CAP2: variants seen among roughly 807,000 people sequenced by gnomAD.
The protein encoded by CAP2 is cyclase associated actin cytoskeleton regulatory protein 2, also known as adenylyl cyclase-associated protein 2.
Under a neutral mutation model 57.7 loss-of-function variants are expected in CAP2, and 24 were observed. The observed-to-expected ratio is 0.42, with a 90% CI of 0.30 to 0.58. The LOEUF (loss-of-function observed/expected upper bound fraction) is 0.58, where lower values mean the gene tolerates loss of function less well. Among genes scored for constraint, CAP2 ranks in the 20% least tolerant of loss-of-function variants. CAP2 has a pLI of 0.22. For synonymous variants in CAP2, 194 were observed against 207.2 expected, an observed-to-expected ratio of 0.94 and a Z score of 0.55; for missense variants, 501 against 590.3, an observed-to-expected ratio of 0.85 and a Z score of 1.57.
At position 17,462,973 on chromosome 6, in the gene CAP2, G is replaced by A. The variant is rs546707299; in HGVS notation, c.223-23G>A. 7 of 1,602,100 alleles carry A rather than the reference G, an allele frequency of 4.4e-6. No homozygotes were observed. In the East Asian group the frequency reaches 6.7e-5, roughly 15 times the overall value. ...TTTTTAGGAGTCAAACATTGAAACT[G>A]CCATCTTCCTCTTTGTTCCCAGGCA... On this transcript the variant is annotated intron_variant, in intron 3 of 12. Coordinates refer to ENST00000229922, the MANE Select transcript of CAP2 (RefSeq NM_006366.3).
Position 17,426,585 on chromosome 6 carries a change from C to G in CAP2, c.122-5C>G, listed in dbSNP as rs1192566162. 6.2e-7 allele frequency: 1 copy of G among 1,610,722 alleles called. No individual in the cohort carries two copies. The highest frequency in any genetic ancestry group is 2.2e-5 in the East Asian group (1 of 44,848). On this transcript the variant is annotated splice_polypyrimidine_tract_variant and splice_region_variant and intron_variant, in intron 2 of 12. Transcript: ENST00000229922. ...AGGGAATAACAAACTGCTCCTTTCC[C>G]CAAGGTGTGGCACCCTCCGTGGAAG...
At chr6:17,552,581 G>C (rs1763196702) in intron 12 of CAP2, among the ~76,000 whole-genome samples, 1 of 152,302 alleles carries the variant, frequency 6.6e-6, no homozygotes, top group East Asian at 1.9e-4. Flanking sequence ...GCAGTGAGCT[G>C]AGATTGTGCC....
At chr6:17,523,002 G>T (rs2113677622) in intron 7 of CAP2, among the ~76,000 whole-genome samples, 2 of 152,258 alleles carry the variant, frequency 1.3e-5, no homozygotes, top group Admixed American at 1.3e-4. Context: ...CCAAAGTGCT[G>T]GGATTACAGG....
intron 7 of CAP2, among the ~76,000 whole-genome samples, chr6:17,534,723 G>A (rs140240662): frequency 4.6e-5 from 7 of 152,312 alleles, no homozygotes; most frequent in African/African-American, 1.4e-4. Context: ...ACCCAAGGCT[G>A]CAGGCTCTGA....
At chr6:17,420,646 T>C (rs1759414852) in intron 1 of CAP2, among the ~76,000 whole-genome samples, 1 of 152,228 alleles carries the variant, frequency 6.6e-6, no homozygotes. Context: ...GAAGAAGAGC[T>C]GGCAATATTA....
intron 4 of CAP2, among the ~76,000 whole-genome samples, chr6:17,487,361 G>C (rs1761444060): frequency 6.6e-6 from 1 of 152,102 alleles, no homozygotes; most frequent in African/African-American, 2.4e-5. Flanking sequence ...TTCCAACTAG[G>C]CCACTGCTCT....
chr6:17,518,230 G>A (rs1490617626), intron 7 of CAP2, among the ~76,000 whole-genome samples: 1 of 152,096 alleles, frequency 6.6e-6, no homozygotes, highest in African/African-American at 2.4e-5. Context: ...GGTTTGGGCA[G>A]CTATTAAAAA....
At chr6:17,555,368 AT>A (rs1225106467) in intron 12 of CAP2, among the ~76,000 whole-genome samples, 1 of 148,436 alleles carries the variant, frequency 6.7e-6, no homozygotes, top group African/African-American at 2.5e-5. Context: ...CTAATTTTGT[AT>A]TTTTAGTAGA....
chr6:17,548,786 C>G (rs575611702), intron 11 of CAP2, among the ~76,000 whole-genome samples: 18 of 152,182 alleles, frequency 1.2e-4, no homozygotes, highest in Middle Eastern at 3.4e-3. Flanking sequence ...GACTAGCGAG[C>G]CCTGAAATCA....
chr6:17,394,241 G>T (rs1758615734), intron 1 of CAP2, among the ~76,000 whole-genome samples: 1 of 152,054 alleles, frequency 6.6e-6, no homozygotes, highest in African/African-American at 2.4e-5. Flanking sequence ...AAACAGACCT[G>T]GCTTCCCCTC....
At chr6:17,428,208 G>T (rs1389041531) in intron 3 of CAP2, among the ~76,000 whole-genome samples, 1 of 152,142 alleles carries the variant, frequency 6.6e-6, no homozygotes, top group Non-Finnish European at 1.5e-5. Flanking sequence ...ATAATCTCTG[G>T]GTTGGAAGAG....
chr6:17,459,634 G>T (rs1366768521), intron 3 of CAP2, among the ~76,000 whole-genome samples: 6 of 152,074 alleles, frequency 3.9e-5, no homozygotes, highest in Non-Finnish European at 8.8e-5. Context: ...TTTTAAAATA[G>T]CCTAAAGACA....
rs533483659 is a variant in CAP2 at position 17,543,619 on chromosome 6, C to T, written c.1209+476C>T. 3.1e-3 allele frequency among the ~76,000 whole-genome samples: 313 copies of T among 100,604 alleles called. 2 individuals are homozygous for T. The highest frequency in any genetic ancestry group is 0.011 in the African/African-American group (287 of 26,164). 66.0% of individuals were successfully genotyped at this position (100,604 alleles called of 152,430 possible). On this transcript the variant is annotated intron_variant, in intron 11 of 12. Coordinates refer to ENST00000229922, the MANE Select transcript of CAP2 (RefSeq NM_006366.3). Reference sequence around the variant, plus strand: ...CAGCCTGGGCGACAGAGCAAGACTCCATCTCAAAAAAAAAAAAAAAAAAAA... The same window carrying T: ...CAGCCTGGGCGACAGAGCAAGACTCTATCTCAAAAAAAAAAAAAAAAAAAA...
At chr6:17,531,279 G>C (rs1762632676) in intron 7 of CAP2, 1 of 863,190 alleles carries the variant, frequency 1.2e-6, no homozygotes, top group South Asian at 1.3e-5. Flanking sequence ...CTTCACAAAG[G>C]TTCTGTTGAA....
At chr6:17,521,165 G>T (rs4716150) in intron 7 of CAP2, among the ~76,000 whole-genome samples, 2 of 151,666 alleles carry the variant, frequency 1.3e-5, no homozygotes, top group South Asian at 4.1e-4. Flanking sequence ...CTGTAATCCC[G>T]GCATTTTGAG....
chr6:17,474,229 G>A (rs917318253), intron 4 of CAP2, among the ~76,000 whole-genome samples: 2 of 99,148 alleles, frequency 2.0e-5, no homozygotes. Context: ...CTCCAAATCC[G>A]TTCCCCTAGT....
At chr6:17,489,331 C>T (rs113972514) in intron 4 of CAP2, among the ~76,000 whole-genome samples, 4,437 of 152,250 alleles carry the variant, frequency 0.029, 213 homozygotes, top group African/African-American at 0.1. Context: ...ACTCAGGAGG[C>T]TGAGGCAGGA....
chr6:17,490,573 G>A (rs1761520515), intron 4 of CAP2, among the ~76,000 whole-genome samples: 1 of 152,250 alleles, frequency 6.6e-6, no homozygotes, highest in South Asian at 2.1e-4. Flanking sequence ...TGGGTGGGGT[G>A]TAAGTCACAA....
intron 4 of CAP2, among the ~76,000 whole-genome samples, chr6:17,505,735 A>T (rs1761964011): frequency 6.6e-6 from 1 of 152,198 alleles, no homozygotes; most frequent in Admixed American, 6.5e-5. Flanking sequence ...AATCTGATAA[A>T]CAACCTTGTA....
Sources: gnomAD v4.1 joint callset for allele counts (sites outside exome capture counted in the v4.1 genomes callset) on GRCh38, gnomAD v4.1.1 for gene constraint, MANE v1.5 for transcripts, NCBI Gene and HGNC (gene_info 2026-07-23, HGNC 2026-07-21) for gene names.